Variants in DLG2 observed in about 807,000 individuals in gnomAD.
DLG2 encodes the protein disks large homolog 2.
A neutral mutation model predicts 132.5 loss-of-function variants in DLG2; 45 were observed. That is an observed-to-expected ratio of 0.34 (90% confidence interval 0.27 to 0.44). The LOEUF (loss-of-function observed/expected upper bound fraction) is 0.44. DLG2 is among the 20% of genes least tolerant of loss of function. The pLI is 1.00. For synonymous variants in DLG2, 424 were observed against 419.6 expected (o/e 1.01, Z -0.13); for missense variants, 1,045 against 1,196.9 (o/e 0.87, Z 1.87).
chr11:83,980,094 T>C (rs2092649362), intron 12 of DLG2, among the ~76,000 whole-genome samples: 1 of 152,158 alleles, frequency 6.6e-6, no homozygotes, highest in South Asian at 2.1e-4. Flanking sequence ...GTTGAAGCCC[T>C]AACCTCCCTG....
chr11:84,832,351 G>C (rs1352148689), intron 6 of DLG2, among the ~76,000 whole-genome samples: 1 of 151,640 alleles, frequency 6.6e-6, no homozygotes, highest in East Asian at 1.9e-4. Context: ...TTGGGTTAAA[G>C]TACATTTTAC....
chr11:85,575,826 T>G (rs2078126635), intron 3 of DLG2, among the ~76,000 whole-genome samples: 1 of 152,180 alleles, frequency 6.6e-6, no homozygotes, highest in African/African-American at 2.4e-5. Flanking sequence ...ACTATACATT[T>G]GTATATTGCT....
intron 18 of DLG2, among the ~76,000 whole-genome samples, chr11:83,777,569 G>A (rs1010403947): frequency 5.9e-5 from 9 of 152,144 alleles, no homozygotes; most frequent in African/African-American, 2.2e-4. Flanking sequence ...AAACTGATAA[G>A]ATTTAGGCCA....
At chr11:85,153,696 C>T (rs1344562982) in intron 5 of DLG2, among the ~76,000 whole-genome samples, 1 of 150,622 alleles carries the variant, frequency 6.6e-6, no homozygotes, top group Non-Finnish European at 1.5e-5. Context: ...CTAAAGTTTT[C>T]ATTAATATCT....
chr11:84,060,827 C>A (rs7924476), intron 10 of DLG2, among the ~76,000 whole-genome samples: 120,518 of 151,670 alleles, frequency 0.79, 49,103 homozygotes, highest in Middle Eastern at 0.92. Context: ...CCCACCACCA[C>A]GCAGTCAGTT....
intron 14 of DLG2, among the ~76,000 whole-genome samples, chr11:83,935,880 C>G (rs2081324122): frequency 6.6e-6 from 1 of 152,134 alleles, no homozygotes. Context: ...TGACCTTATG[C>G]TATTTCTTAA....
chr11:85,098,460 G>C (rs1046963816), intron 6 of DLG2, among the ~76,000 whole-genome samples: 2 of 152,154 alleles, frequency 1.3e-5, no homozygotes, highest in Non-Finnish European at 2.9e-5. Flanking sequence ...CATTCCGTGT[G>C]TACTCTAGAA....
chr11:85,268,418 G>A (rs189454095), intron 4 of DLG2, among the ~76,000 whole-genome samples: 185 of 152,226 alleles, frequency 1.2e-3, no homozygotes, highest in Non-Finnish European at 1.7e-3. Flanking sequence ...CTGAACCAAT[G>A]GACTTCTTAC....
At chr11:85,225,065 C>G (rs1229700366) in intron 4 of DLG2, among the ~76,000 whole-genome samples, 1 of 152,036 alleles carries the variant, frequency 6.6e-6, no homozygotes, top group Non-Finnish European at 1.5e-5. Flanking sequence ...CTTTGTTTTT[C>G]TTCTTGCCTA....
chr11:83,493,633 T>TA (rs1194567989), intron 21 of DLG2, among the ~76,000 whole-genome samples: 2 of 152,150 alleles, frequency 1.3e-5, no homozygotes, highest in Admixed American at 6.6e-5. Context: ...CTCTATTTTT[T>TA]ATCTTTTACT....
At chr11:85,232,185 T>A (rs190782386) in intron 4 of DLG2, among the ~76,000 whole-genome samples, 140 of 152,104 alleles carry the variant, frequency 9.2e-4, no homozygotes, top group African/African-American at 3.2e-3. Flanking sequence ...CACAGTCTTA[T>A]GTTGAATGTT....
intron 3 of DLG2, among the ~76,000 whole-genome samples, chr11:85,466,683 A>G (rs2092802649): frequency 6.6e-6 from 1 of 152,120 alleles, no homozygotes. Flanking sequence ...CTGTTTTGGT[A>G]CCAGTAGCAT....
At chr11:84,021,569 T>A (rs760674940) in intron 11 of DLG2, among the ~76,000 whole-genome samples, 6 of 152,138 alleles carry the variant, frequency 3.9e-5, no homozygotes. Flanking sequence ...CAGCAACTGC[T>A]TAGGAAGTAT....
At chr11:85,446,709 A>G (rs1243202762) in intron 3 of DLG2, among the ~76,000 whole-genome samples, 1 of 152,098 alleles carries the variant, frequency 6.6e-6, no homozygotes, top group Non-Finnish European at 1.5e-5. Context: ...TCTAAAGCCC[A>G]TGCTATCTCC....
intron 4 of DLG2, among the ~76,000 whole-genome samples, chr11:85,282,221 G>A (rs1478259043): frequency 6.6e-6 from 1 of 151,878 alleles, no homozygotes; most frequent in Non-Finnish European, 1.5e-5. Flanking sequence ...GTAATGGGCA[G>A]GGGAGAATAA....
rs559517434 is a variant in DLG2 at position 83,749,476 on chromosome 11, T to G, written c.1825+37214A>C. ...TTTTTCAGTTATGATCTGTGCCATT[T>G]GTCTCTCTCTTGGTTATACTGTCTC... On this transcript the variant is annotated intron_variant, in intron 18 of 27. Transcript: ENST00000376104. 6.6e-5 allele frequency among the ~76,000 whole-genome samples: 10 copies of G among 152,266 alleles called. No homozygotes were observed. In the South Asian group the frequency reaches 1.2e-3, roughly 19 times the overall value.
In DLG2 at chr11:83,612,947, A is replaced by G. The variant is rs184513341; in HGVS notation, c.1940+20264T>C. Among the ~76,000 whole-genome samples the G allele has an allele frequency of 2.4e-3, 358 of 152,310 alleles. 1 individual carries two copies. The highest frequency in any genetic ancestry group is 4.0e-3 in the Admixed American group (61 of 15,294). ...ATCAAGAGCAGTGGGTATGTTTTAAATAGATGGAGAAACTCAAGGGTTAAA... is the reference window on the plus strand; with the variant it reads ...ATCAAGAGCAGTGGGTATGTTTTAAGTAGATGGAGAAACTCAAGGGTTAAA... On this transcript the variant is annotated intron_variant, in intron 19 of 27. Transcript: ENST00000376104.
chr11:84,218,026 G>A (rs2096858985), intron 8 of DLG2, among the ~76,000 whole-genome samples: 1 of 152,092 alleles, frequency 6.6e-6, no homozygotes, highest in African/African-American at 2.4e-5. Flanking sequence ...AAATTAGCCA[G>A]GTGTGGTGGC....
chr11:85,177,901 T>C (rs572623798), intron 4 of DLG2, among the ~76,000 whole-genome samples: 31 of 152,000 alleles, frequency 2.0e-4, no homozygotes, highest in African/African-American at 7.2e-4. Flanking sequence ...AATTTAATCA[T>C]AAGGAAATAG....
Sources: gnomAD v4.1 joint callset for allele counts (sites outside exome capture counted in the v4.1 genomes callset) on GRCh38, gnomAD v4.1.1 for gene constraint, MANE v1.5 for transcripts, NCBI Gene and HGNC (gene_info 2026-07-23, HGNC 2026-07-21) for gene names.